Variants in ASCC1 observed in about 807,000 individuals in gnomAD.
ASCC1 encodes the protein ASC-1 complex subunit P50.
Under a neutral mutation model 46.6 loss-of-function variants are expected in ASCC1, and 35 were observed. The observed-to-expected ratio is 0.75, with a 90% CI of 0.57 to 0.99. The LOEUF is 0.99. Among genes scored for constraint, ASCC1 ranks in the 50% least tolerant of loss-of-function variants. ASCC1 has a pLI of 0.00. For synonymous variants in ASCC1, 143 were observed against 146.6 expected, an observed-to-expected ratio of 0.98 and a Z score of 0.18; for missense variants, 376 against 428.7, an observed-to-expected ratio of 0.88 and a Z score of 1.09.
At chr10:72,157,693 C>G (rs1273529662) in intron 6 of ASCC1, among the ~76,000 whole-genome samples, 1 of 152,126 alleles carries the variant, frequency 6.6e-6, no homozygotes, top group African/African-American at 2.4e-5. Context: ...CCTGAGTGTA[C>G]TTAACACTAC....
At chr10:72,166,474 C>A (rs7901427) in intron 5 of ASCC1, among the ~76,000 whole-genome samples, 18,386 of 146,914 alleles carry the variant, frequency 0.13, 3,712 homozygotes, top group African/African-American at 0.43. Flanking sequence ...GAGAAAAAAA[C>A]CAACATAATT....
chr10:72,137,497 C>T (rs1385814473), intron 7 of ASCC1, among the ~76,000 whole-genome samples: 9 of 131,426 alleles, frequency 6.8e-5, no homozygotes, highest in African/African-American at 2.7e-4. Context: ...CATTGCACTC[C>T]AGCCTGGGTG....
At chr10:72,185,152 C>T (rs956456555) in intron 5 of ASCC1, among the ~76,000 whole-genome samples, 7 of 152,172 alleles carry the variant, frequency 4.6e-5, no homozygotes, top group African/African-American at 1.7e-4. Context: ...TGTGGAGCAA[C>T]CTAAACTCTC....
chr10:72,157,048 C>T (rs1849066695), intron 6 of ASCC1, among the ~76,000 whole-genome samples: 2 of 152,184 alleles, frequency 1.3e-5, no homozygotes, highest in South Asian at 4.1e-4. Flanking sequence ...CTCAAGCAAT[C>T]CTTCCAGCTT....
intron 5 of ASCC1, among the ~76,000 whole-genome samples, chr10:72,169,475 T>A (rs1850783161): frequency 6.6e-6 from 1 of 152,126 alleles, no homozygotes; most frequent in Admixed American, 6.6e-5. Flanking sequence ...CTTCTATACT[T>A]GCTACCATTT....
chr10:72,147,113 T>A (rs1335067168), intron 7 of ASCC1, among the ~76,000 whole-genome samples: 1 of 150,590 alleles, frequency 6.6e-6, no homozygotes, highest in African/African-American at 2.5e-5. Flanking sequence ...TTTACAAATC[T>A]TTTTGAAATA....
intron 3 of ASCC1, among the ~76,000 whole-genome samples, chr10:72,204,869 G>T (rs1856978843): frequency 6.6e-6 from 1 of 152,124 alleles, no homozygotes; most frequent in African/African-American, 2.4e-5. Flanking sequence ...AGTGCTTTCT[G>T]TCAGGCTCCA....
chr10:72,141,206 G>A (rs1219636619), intron 7 of ASCC1, among the ~76,000 whole-genome samples: 1 of 152,046 alleles, frequency 6.6e-6, no homozygotes, highest in Non-Finnish European at 1.5e-5. Context: ...TATGTATCCA[G>A]GCTGACTTAT....
intron 3 of ASCC1, 111 bp downstream of exon 3, chr10:72,210,621 T>C (rs536290058): frequency 4.1e-5 from 34 of 820,476 alleles, no homozygotes; most frequent in African/African-American, 3.9e-4. Context: ...CACTACACTA[T>C]TTTATCATTA....
chr10:72,122,347 G>A (rs539704436), intron 9 of ASCC1, among the ~76,000 whole-genome samples: 1 of 151,690 alleles, frequency 6.6e-6, no homozygotes, highest in South Asian at 2.1e-4. Flanking sequence ...TGAACCTGCA[G>A]GGGCGGAGGT....
intron 3 of ASCC1, 23 bp from the exon 4 acceptor site, chr10:72,203,547 G>A: frequency 6.6e-7 from 1 of 1,513,806 alleles, no homozygotes; most frequent in Non-Finnish European, 9.2e-7. Flanking sequence ...GTAATTAAAA[G>A]AAGATTAAGT....
At chr10:72,161,800 C>T (rs1849725139) in intron 5 of ASCC1, 126 bp from the exon 6 acceptor site, 1 of 1,029,118 alleles carries the variant, frequency 9.7e-7, no homozygotes, top group Admixed American at 2.0e-5. Flanking sequence ...GGTGCCAAGA[C>T]CATTCAATAG....
chr10:72,103,511 C>T lies in ASCC1; in HGVS notation c.958-6061G>A, dbSNP rs11000173. Among the ~76,000 whole-genome samples the T allele has an allele frequency of 7.9e-5, 12 of 152,230 alleles. No individual in the cohort carries two copies. In the East Asian group the frequency reaches 2.1e-3, roughly 27 times the overall value. ...TAAGTAATTTGCCTAAAGACACACA[C>T]GAAGTTGATGGTGTTCAGGACTTCT... On this transcript the variant is annotated intron_variant, in intron 9 of 9. Transcript: ENST00000672957.
intron 4 of ASCC1, among the ~76,000 whole-genome samples, chr10:72,200,305 A>G (rs1856313313): frequency 1.3e-5 from 2 of 152,182 alleles, no homozygotes; most frequent in South Asian, 4.1e-4. Context: ...TACCTTATAT[A>G]TAATTTCTGC....
chr10:72,214,028 A>G (rs901625209), intron 1 of ASCC1, among the ~76,000 whole-genome samples: 2 of 149,150 alleles, frequency 1.3e-5, no homozygotes, highest in South Asian at 4.3e-4. Flanking sequence ...ACAGAGCACA[A>G]CTCCGTCTTA....
chr10:72,097,616 G>A (rs959871082), intron 9 of ASCC1, among the ~76,000 whole-genome samples, 166 bp from the exon 10 acceptor site: 1 of 152,214 alleles, frequency 6.6e-6, no homozygotes, highest in African/African-American at 2.4e-5. Context: ...GAGGAGGGAT[G>A]GGGGTGGGAG....
At chr10:72,103,412 G>A (rs925384633) in intron 9 of ASCC1, among the ~76,000 whole-genome samples, 19 of 152,110 alleles carry the variant, frequency 1.2e-4, no homozygotes, top group African/African-American at 3.4e-4. Flanking sequence ...GATTACAGGC[G>A]TGAGCCACCG....
intron 7 of ASCC1, 69 bp downstream of exon 7, chr10:72,152,800 T>C: frequency 1.3e-6 from 2 of 1,582,186 alleles, no homozygotes; most frequent in Non-Finnish European, 8.7e-7. Context: ...GGAATCAAAA[T>C]GAATCAAACT....
At chr10:72,213,154 C>A (rs1395462917) in intron 2 of ASCC1, 33 bp downstream of exon 2, 2 of 1,454,362 alleles carry the variant, frequency 1.4e-6, no homozygotes, top group African/African-American at 2.8e-5. Context: ...GGACATTTTA[C>A]TTCTTATCTG....
Sources: allele counts gnomAD v4.1 joint callset (sites outside exome capture counted in the v4.1 genomes callset), GRCh38; gene constraint gnomAD v4.1.1; transcripts MANE v1.5; gene names NCBI Gene and HGNC (gene_info 2026-07-23, HGNC 2026-07-21).